R3HDM2: variants seen among roughly 807,000 people sequenced by gnomAD.
R3HDM2 encodes R3H domain-containing protein 2.
A neutral mutation model predicts 124.5 loss-of-function variants in R3HDM2; 38 were observed. That is an observed-to-expected ratio of 0.31 (90% CI 0.24 to 0.40). The LOEUF is 0.40. Ranked by LOEUF, R3HDM2 falls within the 10% of genes least tolerant of loss-of-function variation. R3HDM2 has a pLI of 1.00. For synonymous variants in R3HDM2, 391 were observed against 448.0 expected, an observed-to-expected ratio of 0.87 and a Z score of 1.61; for missense variants, 869 against 1,236.9, an observed-to-expected ratio of 0.70 and a Z score of 4.46.
chr12:57,324,056 A>G (rs2056890155), intron 2 of R3HDM2, among the ~76,000 whole-genome samples: 1 of 152,162 alleles, frequency 6.6e-6, no homozygotes, highest in Admixed American at 6.5e-5. Flanking sequence ...AAAAATCACA[A>G]TTTATCTACA....
Position 57,259,075 on chromosome 12 carries a change from A to G in R3HDM2, c.2132-16T>C. ...GGTGACACTCCTGAAGGGCAGGAAG[A>G]AAGCAGTTGGTTACAAATTCCAACT... is the stretch of plus-strand genomic sequence containing the variant. On this transcript the variant is annotated splice_polypyrimidine_tract_variant and intron_variant, in intron 19 of 23. Transcript: ENST00000402412. 6.2e-7 allele frequency: 1 copy of G among 1,603,802 alleles called. No individual in the cohort carries two copies. The highest frequency in any genetic ancestry group is 8.5e-7 in the Non-Finnish European group (1 of 1,176,210).
At chr12:57,283,692 TCA>T (rs1249060257) in intron 13 of R3HDM2, 130 bp downstream of exon 13, 2 of 881,216 alleles carry the variant, frequency 2.3e-6, no homozygotes, top group African/African-American at 3.3e-5. Flanking sequence ...TGAGCTGAGA[TCA>T]CACCACTGCA....
intron 19 of R3HDM2, among the ~76,000 whole-genome samples, chr12:57,261,757 C>CAAAAAAAAAAAAAAAAAAAAAAAAAAA (rs35440132): frequency 1.2e-5 from 1 of 82,020 alleles, no homozygotes; most frequent in African/African-American, 4.5e-5. Flanking sequence ...ATAGACGTGG[C>CAAAAAAAAAAAAAAAAAAAAAAAAAAA]AAAAAAAAAA....
chr12:57,350,679 G>T (rs190429066), intron 2 of R3HDM2, among the ~76,000 whole-genome samples: 1 of 152,282 alleles, frequency 6.6e-6, no homozygotes, highest in East Asian at 1.9e-4. Context: ...AATGTCTAAA[G>T]AATGAGAACT....
Position 57,296,423 on chromosome 12 carries a change from C to T in R3HDM2, c.689G>A (p.Ser230Asn), listed in dbSNP as rs2049902933. Residue 230 changes from serine to asparagine, a missense_variant, in exon 9 of 24, where the codon AGT becomes AAT. By Grantham distance (46) the Ser-to-Asn change is conservative. Coordinates refer to ENST00000402412, the MANE Select transcript of R3HDM2 (RefSeq NM_001394031.1). This position sits in a 1 kb window ranked among gnomAD's most constrained non-coding sequence, Gnocchi z 4.5. ...TTTCCTCCCTTACATTCTTGTGTTACTAGTTTTGTTGATGATGACAGCTTT... is the reference window on the plus strand; with the variant it reads ...TTTCCTCCCTTACATTCTTGTGTTATTAGTTTTGTTGATGATGACAGCTTT... Reference protein sequence around the residue: ...TGKAVIINKTSNTRIPEQRFS... With the variant: ...TGKAVIINKTNNTRIPEQRFS... 5.2e-6 allele frequency: 8 copies of T among 1,552,270 alleles called. No homozygotes were observed. Among genetic ancestry groups the T allele is most frequent in the Non-Finnish European group, 7.0e-6 (8 of 1,147,126 alleles).
chr12:57,267,424 G>A (rs572216503), intron 18 of R3HDM2, among the ~76,000 whole-genome samples: 9 of 152,182 alleles, frequency 5.9e-5, no homozygotes, highest in South Asian at 4.1e-4. Flanking sequence ...GCATGGTGGC[G>A]CACACCTGTA....
intron 2 of R3HDM2, among the ~76,000 whole-genome samples, chr12:57,370,397 C>CA (rs2063176652): frequency 1.6e-5 from 1 of 62,676 alleles, no homozygotes; most frequent in Non-Finnish European, 3.0e-5. Context: ...TTGGGAGGCC[C>CA]GGGGGGGGGG....
chr12:57,263,962 C>T (rs186248421), intron 19 of R3HDM2, among the ~76,000 whole-genome samples: 3 of 152,222 alleles, frequency 2.0e-5, no homozygotes, highest in South Asian at 2.1e-4. Context: ...GACATTCCCA[C>T]GATAGAGTGG....
chr12:57,307,446 G>A lies in R3HDM2; in HGVS notation c.165+2818C>T, dbSNP rs192657036. Among the ~76,000 whole-genome samples, 1,298 of 148,114 alleles carry A rather than the reference G, an allele frequency of 8.8e-3. 11 individuals carry two copies. Among genetic ancestry groups the A allele is most frequent in the Non-Finnish European group, 0.01 (698 of 67,306 alleles). ...AGTGATTCTCCTGCCTCAGCTTCCC[G>A]AGTAGCTGGGATTACAAGCATGCGC... On this transcript the variant is annotated intron_variant, in intron 3 of 23. Coordinates refer to ENST00000402412, the MANE Select transcript of R3HDM2 (RefSeq NM_001394031.1).
chr12:57,277,571 C>T (rs2045142590), intron 14 of R3HDM2, among the ~76,000 whole-genome samples: 2 of 152,134 alleles, frequency 1.3e-5, no homozygotes, highest in South Asian at 4.1e-4. Flanking sequence ...CTGATGACTC[C>T]CAAGAAGCTG....
intron 14 of R3HDM2, among the ~76,000 whole-genome samples, chr12:57,279,133 G>A (rs916404289): frequency 6.7e-6 from 1 of 149,492 alleles, no homozygotes; most frequent in Non-Finnish European, 1.5e-5. Context: ...TGAGAAGGGA[G>A]TAAGTGAAGA....
chr12:57,267,468 T>C (rs1483609664), intron 18 of R3HDM2, among the ~76,000 whole-genome samples: 12 of 152,228 alleles, frequency 7.9e-5, no homozygotes, highest in Admixed American at 7.9e-4. Context: ...GACAGGAGAA[T>C]TGCTTGAACC....
intron 1 of R3HDM2, among the ~76,000 whole-genome samples, chr12:57,409,524 A>G (rs2068826196): frequency 6.6e-6 from 1 of 151,146 alleles, no homozygotes; most frequent in Non-Finnish European, 1.5e-5. Context: ...AAAAAAAAAA[A>G]AGAAAAAGAA....
rs79654308 is a variant in R3HDM2, at chr12:57,372,505, G to A, written c.-36+23244C>T. On this transcript the variant is annotated intron_variant, in intron 2 of 23. Transcript: ENST00000402412. Reference sequence around the variant, plus strand: ...TAAAGGGTGCTGCTGAAATTGGCACGCAAACCAAATGCCAAACTCTAATGT... The same window carrying A: ...TAAAGGGTGCTGCTGAAATTGGCACACAAACCAAATGCCAAACTCTAATGT... Among the ~76,000 whole-genome samples, 1,360 of 152,178 alleles carry A rather than the reference G, an allele frequency of 8.9e-3. 11 individuals carry two copies. The highest frequency in any genetic ancestry group is 0.015 in the Non-Finnish European group (1,010 of 68,012).
intron 2 of R3HDM2, among the ~76,000 whole-genome samples, chr12:57,390,345 CA>C (rs545489915): frequency 4.9e-4 from 75 of 151,996 alleles, no homozygotes; most frequent in Non-Finnish European, 8.8e-4. Context: ...AGAAATGTAA[CA>C]GGGAAGGAGA....
At chr12:57,375,058 T>TA (rs954991408) in intron 2 of R3HDM2, among the ~76,000 whole-genome samples, 57 of 145,972 alleles carry the variant, frequency 3.9e-4, no homozygotes, top group African/African-American at 9.0e-4. Flanking sequence ...ATTAACCATT[T>TA]AAAAAAAAAA....
chr12:57,270,758 G>A (rs371769787), intron 14 of R3HDM2, among the ~76,000 whole-genome samples: 1 of 151,736 alleles, frequency 6.6e-6, no homozygotes, highest in Non-Finnish European at 1.5e-5. Flanking sequence ...TAGTAGAGAC[G>A]GGATTTCACC....
At chr12:57,379,580 C>CA (rs1014825297) in intron 2 of R3HDM2, among the ~76,000 whole-genome samples, 42 of 143,516 alleles carry the variant, frequency 2.9e-4, no homozygotes, top group Middle Eastern at 3.5e-3. Context: ...AAATCCGTCT[C>CA]AAAAAAAAAA....
intron 18 of R3HDM2, among the ~76,000 whole-genome samples, chr12:57,267,106 G>A (rs568272493): frequency 6.6e-6 from 1 of 151,946 alleles, no homozygotes; most frequent in Non-Finnish European, 1.5e-5. Flanking sequence ...GGAAACACCA[G>A]ACACACATAC....
Sources: gnomAD v4.1 joint callset for allele counts (sites outside exome capture counted in the v4.1 genomes callset) on GRCh38, gnomAD v4.1.1 for gene constraint, Gnocchi (gnomAD v3.1) non-coding constraint, MANE v1.5 for transcripts, NCBI Gene and HGNC (gene_info 2026-07-23, HGNC 2026-07-21) for gene names.